The following FAF1 variants were observed in gnomAD, a reference collection of about 807,000 sequenced individuals.
The protein encoded by FAF1 is FAS-associated factor 1.
A neutral mutation model predicts 92.5 loss-of-function variants in FAF1; 25 were observed. The ratio of observed to expected loss-of-function variants is 0.27; its 90% CI spans 0.20 to 0.38. FAF1 has a LOEUF of 0.38. Among genes scored for constraint, FAF1 ranks in the 10% least tolerant of loss-of-function variants. The probability of loss-of-function intolerance (pLI) is 1.00; values close to 1 mark genes in which losing one functional copy is unlikely to be tolerated. For missense variants in FAF1, 636 were observed against 793.3 expected, an observed-to-expected ratio of 0.80 and a Z score of 2.38; for synonymous variants, 234 against 273.2, an observed-to-expected ratio of 0.86 and a Z score of 1.42.
chr1:50,482,687 T>G (rs977474695), intron 17 of FAF1, among the ~76,000 whole-genome samples: 44 of 152,212 alleles, frequency 2.9e-4, no homozygotes, highest in African/African-American at 1.0e-3. Flanking sequence ...TGTCCCTTTT[T>G]CTTTTAAAAA....
At chr1:50,681,508 C>T (rs1196115104) in intron 7 of FAF1, among the ~76,000 whole-genome samples, 1 of 151,906 alleles carries the variant, frequency 6.6e-6, no homozygotes, top group East Asian at 1.9e-4. Flanking sequence ...ACAGCACAAT[C>T]TTTCTTTTCT....
chr1:50,688,860 T>A (rs559807440), intron 7 of FAF1, among the ~76,000 whole-genome samples: 46 of 152,158 alleles, frequency 3.0e-4, no homozygotes, highest in Non-Finnish European at 5.6e-4. Context: ...TAAAATTCTA[T>A]CATGTGCTAC....
intron 13 of FAF1, among the ~76,000 whole-genome samples, chr1:50,565,071 T>C (rs1287936016): frequency 6.6e-6 from 1 of 152,088 alleles, no homozygotes; most frequent in East Asian, 1.9e-4. Context: ...GTGTTTGTTT[T>C]ACAGATTGTT....
At chr1:50,450,559 T>A (rs1646282968) in intron 18 of FAF1, among the ~76,000 whole-genome samples, 1 of 152,242 alleles carries the variant, frequency 6.6e-6, no homozygotes, top group Non-Finnish European at 1.5e-5. Context: ...TCATGGCTTA[T>A]GTCCCTAATG....
intron 1 of FAF1, among the ~76,000 whole-genome samples, chr1:50,943,013 G>C (rs1645146006): frequency 6.6e-6 from 1 of 152,104 alleles, no homozygotes; most frequent in South Asian, 2.1e-4. Context: ...ACATCCTTGA[G>C]AAGAAAATCT....
chr1:50,572,010 T>C (rs1650468400), intron 12 of FAF1, among the ~76,000 whole-genome samples: 1 of 152,228 alleles, frequency 6.6e-6, no homozygotes, highest in Non-Finnish European at 1.5e-5. Flanking sequence ...GTTAAAACTA[T>C]AGTATAAAAT....
chr1:50,496,782 G>T (rs1646903791), intron 15 of FAF1, among the ~76,000 whole-genome samples: 1 of 152,066 alleles, frequency 6.6e-6, no homozygotes, highest in Non-Finnish European at 1.5e-5. Context: ...CCAGCTCCTT[G>T]GGAGGCTGAG....
chr1:50,739,011 A>G (rs1659255370), intron 5 of FAF1, 57 bp from the exon 6 acceptor site: 1 of 1,072,142 alleles, frequency 9.3e-7, no homozygotes, highest in Non-Finnish European at 1.4e-6. Flanking sequence ...TTCATTATTG[A>G]TTTTTCCTGT....
chr1:50,492,243 A>C (rs1239326912), intron 15 of FAF1, among the ~76,000 whole-genome samples: 2 of 152,188 alleles, frequency 1.3e-5, no homozygotes, highest in African/African-American at 4.8e-5. Context: ...ATTGGAACTA[A>C]GGACTGGGAG....
At chr1:50,446,992 T>TTTTTTTTTTTTTTTTG (rs1318855123) in intron 18 of FAF1, among the ~76,000 whole-genome samples, 1 of 151,686 alleles carries the variant, frequency 6.6e-6, no homozygotes. Flanking sequence ...ATAATTTTCA[T>TTTTTTTTTTTTTTTTG]AGTAACTCCC....
intron 15 of FAF1, among the ~76,000 whole-genome samples, chr1:50,512,730 TTCC>T (rs1328618302): frequency 6.6e-6 from 1 of 152,224 alleles, no homozygotes. Flanking sequence ...TCTTTTTTGG[TTCC>T]ATATGATACT....
chr1:50,621,375 C>T (rs558209981), intron 8 of FAF1, among the ~76,000 whole-genome samples: 3 of 149,468 alleles, frequency 2.0e-5, no homozygotes, highest in East Asian at 2.0e-4. Flanking sequence ...AAGTTAGCCC[C>T]GATCTTTCTT....
At chr1:50,932,605 G>A (rs1179932857) in intron 1 of FAF1, among the ~76,000 whole-genome samples, 1 of 152,194 alleles carries the variant, frequency 6.6e-6, no homozygotes, top group African/African-American at 2.4e-5. Flanking sequence ...GGCTGGCACT[G>A]AGTGTCTGCA....
At chr1:50,452,899 C>T (rs1412616903) in intron 18 of FAF1, among the ~76,000 whole-genome samples, 3 of 152,208 alleles carry the variant, frequency 2.0e-5, no homozygotes, top group African/African-American at 4.8e-5. Context: ...GTGACAACAT[C>T]ACCCAACACC....
At chr1:50,745,255 C>T (rs949369381) in intron 4 of FAF1, among the ~76,000 whole-genome samples, 1 of 152,050 alleles carries the variant, frequency 6.6e-6, no homozygotes, top group African/African-American at 2.4e-5. Context: ...GAGCCGAGAT[C>T]GTGCCACTGC....
chr1:50,695,615 T>C (rs1340422476), intron 7 of FAF1, among the ~76,000 whole-genome samples: 1 of 152,148 alleles, frequency 6.6e-6, no homozygotes, highest in Non-Finnish European at 1.5e-5. Context: ...ATAATATATA[T>C]GATTTCTCTC....
chr1:50,846,819 T>C (rs1644305661), intron 2 of FAF1: 2 of 619,838 alleles, frequency 3.2e-6, no homozygotes, highest in South Asian at 3.0e-5. Flanking sequence ...AAAATTATAT[T>C]ACACAAAGAA....
intron 6 of FAF1, among the ~76,000 whole-genome samples, chr1:50,711,737 T>C (rs1657943445): frequency 1.3e-5 from 2 of 152,176 alleles, no homozygotes; most frequent in South Asian, 4.1e-4. Flanking sequence ...AGTGCTGGGA[T>C]TATAGGCATA....
chr1:50,891,213 T>C (rs1384825101), intron 1 of FAF1, among the ~76,000 whole-genome samples: 3 of 152,226 alleles, frequency 2.0e-5, no homozygotes, highest in Non-Finnish European at 2.9e-5. Flanking sequence ...AGTTCCATCA[T>C]GTCATTTAAG....
Sources: allele counts gnomAD v4.1 joint callset (sites outside exome capture counted in the v4.1 genomes callset), GRCh38; gene constraint gnomAD v4.1.1; transcripts MANE v1.5; gene names NCBI Gene and HGNC (gene_info 2026-07-23, HGNC 2026-07-21).